Variants in FRMD4B observed in about 807,000 individuals in gnomAD.
FRMD4B encodes the protein FERM domain containing 4B, also known as FERM domain-containing protein 4B.
Under a neutral mutation model 141.5 loss-of-function variants are expected in FRMD4B, and 74 were observed. That is an observed-to-expected ratio of 0.52 (90% CI 0.43 to 0.63). The LOEUF (loss-of-function observed/expected upper bound fraction) is 0.63. Among genes scored for constraint, FRMD4B ranks in the 30% least tolerant of loss-of-function variants. The pLI is 0.00. For missense variants in FRMD4B, 1,366 were observed against 1,253.4 expected, an observed-to-expected ratio of 1.09 and a Z score of -1.36; for synonymous variants, 506 against 467.9, an observed-to-expected ratio of 1.08 and a Z score of -1.05.
intron 5 of FRMD4B, 157 bp downstream of exon 5, chr3:69,287,594 TG>T (rs1236215197): frequency 3.4e-6 from 2 of 596,414 alleles, no homozygotes; most frequent in East Asian, 5.7e-5. Context: ...ATACCATTTG[TG>T]TATGTGTGTA....
intron 1 of FRMD4B, among the ~76,000 whole-genome samples, chr3:69,327,082 T>C (rs1702213283): frequency 6.6e-6 from 1 of 152,194 alleles, no homozygotes; most frequent in African/African-American, 2.4e-5. Context: ...ATTTTCATTT[T>C]CATCTGCAGT....
At chr3:69,189,139 T>G (rs997200413) in intron 18 of FRMD4B, among the ~76,000 whole-genome samples, 3 of 149,572 alleles carry the variant, frequency 2.0e-5, no homozygotes, top group African/African-American at 7.4e-5. Flanking sequence ...GGAGAATTGC[T>G]TGAACCTGGG....
chr3:69,512,372 T>A (rs527707764), intron 1 of FRMD4B, among the ~76,000 whole-genome samples: 1 of 152,192 alleles, frequency 6.6e-6, no homozygotes, highest in Non-Finnish European at 1.5e-5. Context: ...TGGGTTAATG[T>A]AGCACTTTTG....
chr3:69,457,012 G>A (rs1705628741), intron 1 of FRMD4B, among the ~76,000 whole-genome samples: 1 of 152,126 alleles, frequency 6.6e-6, no homozygotes. Context: ...TTCGTTTTGT[G>A]CAGTCTAATT....
intron 1 of FRMD4B, among the ~76,000 whole-genome samples, chr3:69,351,383 A>G (rs1703144430): frequency 6.6e-6 from 1 of 152,196 alleles, no homozygotes; most frequent in Admixed American, 6.5e-5. Flanking sequence ...CTGAGAGCTC[A>G]CTAGTATTTT....
rs77280168 is a variant in FRMD4B at position 69,362,083 on chromosome 3, T to C, written c.162+23745A>G. 1.6e-4 allele frequency among the ~76,000 whole-genome samples: 24 copies of C among 152,332 alleles called. No individual in the cohort carries two copies. In the East Asian group the frequency reaches 4.6e-3, roughly 29 times the overall value. On this transcript the variant is annotated intron_variant, in intron 1 of 22. Transcript: ENST00000398540. ...AGAAGCATTTGTGTTTAAGTGACTT[T>C]TTGTTTGCACAGGTATAGGTTTAGG... is the stretch of plus-strand genomic sequence containing the variant.
chr3:69,329,720 C>T (rs774150598), intron 1 of FRMD4B, among the ~76,000 whole-genome samples: 20 of 150,848 alleles, frequency 1.3e-4, no homozygotes, highest in African/African-American at 2.2e-4. Flanking sequence ...TTAGTAGAGA[C>T]GGGGTTTCAC....
chr3:69,434,639 T>C (rs1323468201), intron 1 of FRMD4B, among the ~76,000 whole-genome samples: 1 of 152,222 alleles, frequency 6.6e-6, no homozygotes, highest in Non-Finnish European at 1.5e-5. Flanking sequence ...GCAGGAGGGA[T>C]ATGTTTTAAG....
intron 1 of FRMD4B, among the ~76,000 whole-genome samples, chr3:69,536,969 A>C (rs1701096940): frequency 6.6e-6 from 1 of 152,054 alleles, no homozygotes; most frequent in Non-Finnish European, 1.5e-5. Context: ...TCTGGTCTTG[A>C]ACTCTTGGGC....
chr3:69,353,274 C>T (rs756408812), intron 1 of FRMD4B, among the ~76,000 whole-genome samples: 5 of 152,174 alleles, frequency 3.3e-5, no homozygotes, highest in Admixed American at 6.5e-5. Context: ...AGACGATGGG[C>T]GTCTTTAAGG....
chr3:69,245,631 G>C (rs557531414), intron 7 of FRMD4B, among the ~76,000 whole-genome samples: 16 of 150,918 alleles, frequency 1.1e-4, no homozygotes, highest in Non-Finnish European at 2.1e-4. Flanking sequence ...ACAGAAGTGA[G>C]CCATTGCACC....
intron 1 of FRMD4B, among the ~76,000 whole-genome samples, chr3:69,503,127 C>T (rs1331297123): frequency 2.6e-5 from 4 of 152,164 alleles, no homozygotes; most frequent in Admixed American, 1.3e-4. Context: ...GTCAGTGTGG[C>T]GATTCCTCAA....
At chr3:69,404,957 A>G (rs1361200680) in intron 2 of FRMD4B, among the ~76,000 whole-genome samples, 4 of 152,214 alleles carry the variant, frequency 2.6e-5, no homozygotes, top group Non-Finnish European at 5.9e-5. Flanking sequence ...GAGATTAAAA[A>G]CTTGGTCCAA....
chr3:69,486,676 C>A (rs1372146838), intron 1 of FRMD4B, among the ~76,000 whole-genome samples: 1 of 152,084 alleles, frequency 6.6e-6, no homozygotes, highest in East Asian at 1.9e-4. Context: ...GGCAGACATA[C>A]TACATGGGGA....
chr3:69,286,961 C>T (rs980410512), intron 5 of FRMD4B, among the ~76,000 whole-genome samples: 12 of 152,098 alleles, frequency 7.9e-5, no homozygotes, highest in Admixed American at 2.0e-4. Flanking sequence ...CACACCACCA[C>T]GCCTAGCTAA....
At chr3:69,516,122 G>A (rs181007626) in intron 1 of FRMD4B, among the ~76,000 whole-genome samples, 121 of 152,238 alleles carry the variant, frequency 7.9e-4, no homozygotes, top group Non-Finnish European at 9.6e-4. Flanking sequence ...CTACTCAGGA[G>A]GCTGAGGCAG....
intron 1 of FRMD4B, among the ~76,000 whole-genome samples, chr3:69,525,939 G>A (rs1700925734): frequency 6.6e-6 from 1 of 151,986 alleles, no homozygotes; most frequent in Non-Finnish European, 1.5e-5. Context: ...GATTACAGGT[G>A]TGAGCCACCA....
intron 1 of FRMD4B, among the ~76,000 whole-genome samples, chr3:69,438,691 CA>C (rs2106855595): frequency 6.6e-6 from 1 of 152,222 alleles, no homozygotes; most frequent in East Asian, 1.9e-4. Flanking sequence ...GAGTTCAAAG[CA>C]GTTGAGGGAG....
intron 1 of FRMD4B, among the ~76,000 whole-genome samples, chr3:69,479,300 C>T (rs1706071849): frequency 6.6e-6 from 1 of 151,494 alleles, no homozygotes; most frequent in Admixed American, 6.6e-5. Context: ...TCTTCCTAGC[C>T]TCGATGGTCT....
Sources: gnomAD v4.1 joint callset for allele counts (sites outside exome capture counted in the v4.1 genomes callset) on GRCh38, gnomAD v4.1.1 for gene constraint, MANE v1.5 for transcripts, NCBI Gene and HGNC (gene_info 2026-07-23, HGNC 2026-07-21) for gene names.